GNAS: variants seen among roughly 807,000 people sequenced by gnomAD.
GNAS encodes the protein protein ALEX.
In GNAS, 8 loss-of-function variants were observed where a neutral mutation model predicts 54.5. The observed-to-expected ratio is 0.15, with a 90% confidence interval of 0.09 to 0.26. The LOEUF is 0.26. Among genes scored for constraint, GNAS ranks in the 10% least tolerant of loss-of-function variants. The probability of loss-of-function intolerance (pLI) is 1.00; values close to 1 mark genes in which losing one functional copy is unlikely to be tolerated. For missense variants in GNAS, 170 were observed against 529.8 expected, an observed-to-expected ratio of 0.32 and a Z score of 6.67; for synonymous variants, 204 against 191.4, an observed-to-expected ratio of 1.07 and a Z score of -0.54.
At chr20:58,855,311 T>C in intron 1 of GNAS, 1 of 1,577,386 alleles carries the variant, frequency 6.3e-7, no homozygotes, top group East Asian at 2.3e-5. Context: ...GCTACATGTG[T>C]ACGCACCGCC....
chr20:58,889,494 T>G (rs1355419104), upstream of GNAS: 10 of 258,008 alleles, frequency 3.9e-5, no homozygotes, highest in South Asian at 2.9e-4. Flanking sequence ...CCCAATTCTC[T>G]CTCTTTTCTC....
At chr20:58,880,216 A>G (rs2088134327) in intron 1 of GNAS, among the ~76,000 whole-genome samples, 1 of 152,152 alleles carries the variant, frequency 6.6e-6, no homozygotes, top group African/African-American at 2.4e-5. Context: ...TCAGTCTTAC[A>G]CAGTCCATTT....
chr20:58,899,461 T>C (rs753857820), intron 3 of GNAS: 12 of 538,398 alleles, frequency 2.2e-5, no homozygotes, highest in Non-Finnish European at 3.7e-6. Context: ...GAAAAACGCC[T>C]TGGTACCTTG....
At chr20:58,898,691 A>G (rs2090318426) in intron 2 of GNAS, 3 of 588,338 alleles carry the variant, frequency 5.1e-6, no homozygotes, top group Middle Eastern at 4.5e-4. Context: ...CTCCGACCAG[A>G]GTCTCCAGAG....
chr20:58,890,079 C>T (rs1279132084), upstream of GNAS, among the ~76,000 whole-genome samples: 2 of 151,690 alleles, frequency 1.3e-5, no homozygotes, highest in Non-Finnish European at 2.9e-5. Flanking sequence ...GCGGGAGGCG[C>T]TCCCCGAAAA....
intron 1 of GNAS, among the ~76,000 whole-genome samples, chr20:58,883,378 T>C (rs2088376907): frequency 6.6e-6 from 1 of 152,120 alleles, no homozygotes. Flanking sequence ...AAAACAGGAA[T>C]GTTCAAGAAA....
chr20:58,879,580 C>T (rs2088083483), intron 1 of GNAS, among the ~76,000 whole-genome samples: 1 of 152,200 alleles, frequency 6.6e-6, no homozygotes, highest in Non-Finnish European at 1.5e-5. Context: ...CAGCCAACCA[C>T]CTGTCCTGAT....
At chr20:58,866,918 T>C (rs1275559092) in intron 1 of GNAS, among the ~76,000 whole-genome samples, 1 of 152,312 alleles carries the variant, frequency 6.6e-6, no homozygotes, top group African/African-American at 2.4e-5. Flanking sequence ...TAGCTTTTAC[T>C]ATCAGGATTT....
rs1214560493 is a variant in GNAS at position 58,857,927 on chromosome 20, C to A, written c.43+17041C>A. ...CAAACACCTTTGGATGCAGCATAGTCCAGAAGGTGGGCTGGCAAACCATGG... is the reference window on the plus strand; with the variant it reads ...CAAACACCTTTGGATGCAGCATAGTACAGAAGGTGGGCTGGCAAACCATGG... On this transcript the variant is annotated intron_variant, in intron 1 of 12. Transcript: ENST00000306090. The surrounding 1 kb of genome is among the most constrained non-coding windows in gnomAD (Gnocchi z 4.1). 6.6e-6 allele frequency among the ~76,000 whole-genome samples: 1 copy of A among 152,138 alleles called. No homozygotes were observed. Among genetic ancestry groups the A allele is most frequent in the Non-Finnish European group, 1.5e-5 (1 of 68,038 alleles).
intron 1 of GNAS, among the ~76,000 whole-genome samples, chr20:58,868,511 A>T (rs1003344810): frequency 1.3e-5 from 2 of 150,238 alleles, no homozygotes; most frequent in Non-Finnish European, 3.0e-5. Flanking sequence ...CTGATTTCAG[A>T]TGTTAAGGCA....
chr20:58,854,365 C>T, intron 1 of GNAS: 1 of 1,574,708 alleles, frequency 6.4e-7, no homozygotes, highest in Non-Finnish European at 8.6e-7. Flanking sequence ...GCCGCTGATG[C>T]CGCGGAGGGA....
chr20:58,861,207 A>T (rs1044197069), intron 1 of GNAS, among the ~76,000 whole-genome samples: 14 of 152,152 alleles, frequency 9.2e-5, no homozygotes, highest in African/African-American at 3.4e-4. Context: ...GTAGTAGCAA[A>T]TGTGAGGTTC....
rs1376880627 is a variant in GNAS, at chr20:58,882,214, G to A, written c.44-13398G>A. 4.6e-5 allele frequency among the ~76,000 whole-genome samples: 7 copies of A among 152,004 alleles called. No homozygotes were observed. In the East Asian group the frequency reaches 1.4e-3, roughly 29 times the overall value. ...CTCCCGAGTAGCTGGGACTACAGGC[G>A]CCCGCCACTGCGCCCGGCTAATTTT... On this transcript the variant is annotated intron_variant, in intron 1 of 12. Transcript: ENST00000306090.
Position 58,910,570 on chromosome 20 carries a change from T to C in GNAS, c.1039-113T>C. 1 of 1,367,424 alleles carries C rather than the reference T, an allele frequency of 7.3e-7. No homozygotes were observed. The highest frequency in any genetic ancestry group is 2.3e-5 in the East Asian group (1 of 42,730). The allele number at this position is 1,367,424 out of a possible 1,614,324, so 84.7% of individuals were successfully genotyped here. On this transcript the variant is annotated intron_variant, in intron 12 of 12. Coordinates refer to ENST00000371085, the MANE Select transcript of GNAS (RefSeq NM_000516.7). This position sits in a 1 kb window ranked among gnomAD's most constrained non-coding sequence, Gnocchi z 5.8. ...TTGCGCCCCTCTTTTTGCTTTTGTT[T>C]TCATATGACATCAGAGGCTGGCTGA...
intron 1 of GNAS, among the ~76,000 whole-genome samples, chr20:58,861,581 G>C (rs537951867): frequency 1.3e-5 from 2 of 152,324 alleles, no homozygotes; most frequent in African/African-American, 4.8e-5. Context: ...TGGGAGTTCT[G>C]CTGAAAAGTC....
chr20:58,842,080 T>C (rs907096149), intron 1 of GNAS: 23 of 412,020 alleles, frequency 5.6e-5, no homozygotes, highest in Non-Finnish European at 9.2e-5. Flanking sequence ...GGCGGCGTGC[T>C]CCGGCCATTT....
chr20:58,902,262 GACCTGATGAGAT>G (rs1446228922), intron 3 of GNAS, among the ~76,000 whole-genome samples: 2 of 152,110 alleles, frequency 1.3e-5, no homozygotes, highest in Admixed American at 1.3e-4. Flanking sequence ...TTGGGCTATA[GACCTGATGAGAT>G]ACATACTCCA....
intron 1 of GNAS, chr20:58,842,632 G>A (rs946399080): frequency 2.5e-6 from 1 of 397,208 alleles, no homozygotes; most frequent in African/African-American, 2.1e-5. Context: ...CTGCGGAAGG[G>A]CTAGGCGTGC....
intron 1 of GNAS, among the ~76,000 whole-genome samples, chr20:58,892,885 C>G (rs1216053019): frequency 8.0e-6 from 1 of 124,474 alleles, no homozygotes; most frequent in African/African-American, 3.0e-5. Context: ...CCCCACCCAC[C>G]ACGAGCAGCG....
Sources: gnomAD v4.1 joint callset for allele counts (sites outside exome capture counted in the v4.1 genomes callset) on GRCh38, gnomAD v4.1.1 for gene constraint, Gnocchi (gnomAD v3.1) non-coding constraint, MANE v1.5 for transcripts, NCBI Gene and HGNC (gene_info 2026-07-23, HGNC 2026-07-21) for gene names.